WLS: variants seen among roughly 807,000 people sequenced by gnomAD.
The protein encoded by WLS is protein wntless homolog.
Under a neutral mutation model 62.8 loss-of-function variants are expected in WLS, and 23 were observed. That is an observed-to-expected ratio of 0.37 (90% CI 0.26 to 0.52). The LOEUF (loss-of-function observed/expected upper bound fraction) is 0.52. Ranked by LOEUF, WLS falls within the 20% of genes least tolerant of loss-of-function variation. WLS has a pLI of 0.92. For missense variants in WLS, 615 were observed against 697.3 expected (o/e 0.88, Z 1.33); for synonymous variants, 246 against 244.1 (o/e 1.01, Z -0.07).
intron 1 of WLS, among the ~76,000 whole-genome samples, chr1:68,228,905 T>G (rs74081626): frequency 0.11 from 15,769 of 144,022 alleles, 1,260 homozygotes; most frequent in East Asian, 0.35. Flanking sequence ...TTGTTTTTTT[T>G]TTTTTTTGGT....
chr1:68,112,523 C>T (rs1324896162), intron 11 of WLS, among the ~76,000 whole-genome samples: 1 of 152,222 alleles, frequency 6.6e-6, no homozygotes, highest in Non-Finnish European at 1.5e-5. Flanking sequence ...CTCTGCTAAA[C>T]AGGCTACTTT....
intron 11 of WLS, among the ~76,000 whole-genome samples, chr1:68,104,316 A>AT (rs1646116900): frequency 6.6e-6 from 1 of 152,202 alleles, no homozygotes; most frequent in Admixed American, 6.5e-5. Context: ...ATGACTCAGT[A>AT]TTCTAGACTT....
At chr1:68,109,257 T>C (rs1017455402) in intron 11 of WLS, among the ~76,000 whole-genome samples, 1 of 152,212 alleles carries the variant, frequency 6.6e-6, no homozygotes, top group African/African-American at 2.4e-5. Flanking sequence ...TGGGTAACCC[T>C]CTGGCTCTCA....
chr1:68,184,204 A>T (rs1406415648), intron 2 of WLS, among the ~76,000 whole-genome samples: 2 of 152,324 alleles, frequency 1.3e-5, no homozygotes, highest in South Asian at 2.1e-4. Context: ...GAAAGCTGGA[A>T]AGAGAGATAT....
At chr1:68,115,843 C>T (rs182035872) in intron 11 of WLS, among the ~76,000 whole-genome samples, 37 of 152,198 alleles carry the variant, frequency 2.4e-4, no homozygotes, top group Admixed American at 2.0e-3. Context: ...TAACAAATAG[C>T]AATCAAGGGC....
chr1:68,218,082 G>A (rs1649805254), intron 1 of WLS, among the ~76,000 whole-genome samples: 1 of 152,174 alleles, frequency 6.6e-6, no homozygotes, highest in African/African-American at 2.4e-5. Context: ...AAATTCCAAA[G>A]TAAACATACA....
chr1:68,107,297 A>ATTT (rs11346197), intron 11 of WLS, among the ~76,000 whole-genome samples: 1 of 149,388 alleles, frequency 6.7e-6, no homozygotes, highest in African/African-American at 2.5e-5. Context: ...GAATAGCTAG[A>ATTT]TTTTTTTTTT....
At chr1:68,138,011 C>T in intron 10 of WLS, 78 bp from the exon 11 acceptor site, 2 of 1,553,704 alleles carry the variant, frequency 1.3e-6, no homozygotes, top group Non-Finnish European at 1.7e-6. Context: ...AGGAACCAAC[C>T]AACATGAAAA....
chr1:68,206,992 C>T lies in WLS; in HGVS notation c.107-12765G>A, dbSNP rs558856466. Among the ~76,000 whole-genome samples, 66 of 152,294 alleles carry T rather than the reference C, an allele frequency of 4.3e-4. 1 individual carries two copies. The South Asian group carries it at 0.012, about 28-fold the overall frequency. On this transcript the variant is annotated intron_variant, in intron 1 of 11. Coordinates refer to ENST00000262348, the MANE Select transcript of WLS (RefSeq NM_024911.7). ...TGTTAGAAGAACAGATCTTAATGGTCCTATTCTCGTTCTGTTACTGTTTGG... is the reference window on the plus strand; with the variant it reads ...TGTTAGAAGAACAGATCTTAATGGTTCTATTCTCGTTCTGTTACTGTTTGG...
At chr1:68,228,769 T>A (rs1252956676) in intron 1 of WLS, among the ~76,000 whole-genome samples, 1 of 144,314 alleles carries the variant, frequency 6.9e-6, no homozygotes, top group Non-Finnish European at 1.5e-5. Flanking sequence ...CCCTAAGTTC[T>A]ACTATGTAAG....
chr1:68,178,215 A>G (rs1447823693), intron 2 of WLS, among the ~76,000 whole-genome samples: 1 of 152,084 alleles, frequency 6.6e-6, no homozygotes, highest in Non-Finnish European at 1.5e-5. Flanking sequence ...TGAGTTAATC[A>G]TTTCCCCTTC....
chr1:68,103,634 G>A (rs2100297018), intron 11 of WLS, among the ~76,000 whole-genome samples: 1 of 152,218 alleles, frequency 6.6e-6, no homozygotes, highest in African/African-American at 2.4e-5. Flanking sequence ...AGTTTGTAGG[G>A]GGATACTAAC....
At chr1:68,159,055 T>C in intron 3 of WLS, 68 bp downstream of exon 3, 2 of 1,596,944 alleles carry the variant, frequency 1.3e-6, no homozygotes, top group South Asian at 1.1e-5. Flanking sequence ...CTATGAAAAG[T>C]AAGCAAATCT....
intron 1 of WLS, among the ~76,000 whole-genome samples, chr1:68,197,502 G>A (rs564882501): frequency 4.9e-4 from 75 of 152,196 alleles, no homozygotes; most frequent in East Asian, 7.7e-4. Context: ...AACATTTTCC[G>A]TTTTTCTAAT....
At position 68,137,932 on chromosome 1, in the gene WLS, A is replaced by G; in HGVS notation, c.1364T>C (p.Val455Ala). The change falls in exon 11 of 12, where the codon GTA becomes GCA. Residue 455 changes from valine (V) to alanine (A), a missense_variant and splice_region_variant. By Grantham distance (64) the Val-to-Ala change is moderately conservative. Transcript: ENST00000262348. ...MTVIFFIVSQVTEGHWKWGGV... is the reference protein window; with the variant it reads ...MTVIFFIVSQATEGHWKWGGV... ...GCCCCATTTCCAATGGCCTTCCGTT[A>G]CCTGCGGAGAAAGGATGGTGATATT... 6.2e-7 allele frequency: 1 copy of G among 1,613,754 alleles called. No individual in the cohort carries two copies. Among genetic ancestry groups the G allele is most frequent in the South Asian group, 1.1e-5 (1 of 91,046 alleles).
intron 11 of WLS, among the ~76,000 whole-genome samples, chr1:68,110,026 A>C (rs867525222): frequency 0.014 from 2,090 of 147,302 alleles, 77 homozygotes; most frequent in Non-Finnish European, 0.022. Context: ...AAAAAAAAAA[A>C]AAAAAAAAAT....
intron 11 of WLS, among the ~76,000 whole-genome samples, chr1:68,135,615 AT>A (rs1646597953): frequency 6.6e-6 from 1 of 152,168 alleles, no homozygotes; most frequent in Admixed American, 6.5e-5. Context: ...CTTGATAATT[AT>A]TTCCCACCGG....
intron 2 of WLS, among the ~76,000 whole-genome samples, chr1:68,172,311 TA>T (rs1553131588): frequency 0.053 from 7,818 of 148,002 alleles, 226 homozygotes; most frequent in Middle Eastern, 0.11. Flanking sequence ...AAAGTATAAT[TA>T]AAAAAAAAAA....
intron 6 of WLS, among the ~76,000 whole-genome samples, chr1:68,149,447 G>A (rs916770024): frequency 1.2e-4 from 19 of 152,162 alleles, no homozygotes; most frequent in African/African-American, 4.3e-4. Context: ...CTCTCACACT[G>A]CTCTCCTGGA....
Sources: allele counts gnomAD v4.1 joint callset (sites outside exome capture counted in the v4.1 genomes callset), GRCh38; gene constraint gnomAD v4.1.1; transcripts MANE v1.5; gene names NCBI Gene and HGNC (gene_info 2026-07-23, HGNC 2026-07-21).